Variants in AXDND1 observed in about 807,000 individuals in gnomAD.
The protein encoded by AXDND1 is axonemal dynein light chain domain-containing protein 1.
In AXDND1, 110 loss-of-function variants were observed where a neutral mutation model predicts 137.5. The ratio of observed to expected loss-of-function variants is 0.80; its 90% confidence interval spans 0.69 to 0.94. AXDND1 has a LOEUF of 0.94. AXDND1 is among the 40% of genes least tolerant of loss of function. The pLI is 0.00. For synonymous variants in AXDND1, 414 were observed against 399.7 expected, an observed-to-expected ratio of 1.04 and a Z score of -0.43; for missense variants, 1,191 against 1,169.8, an observed-to-expected ratio of 1.02 and a Z score of -0.26.
chr1:179,421,907 G>A (rs56164208), intron 12 of AXDND1, among the ~76,000 whole-genome samples: 48,715 of 151,366 alleles, frequency 0.32, 8,195 homozygotes, highest in Middle Eastern at 0.43. Context: ...AGGCATGGTG[G>A]CAGGCGCCTG....
At chr1:179,401,700 C>T (rs371870012) in intron 11 of AXDND1, among the ~76,000 whole-genome samples, 94 of 152,062 alleles carry the variant, frequency 6.2e-4, no homozygotes, top group Admixed American at 1.2e-3. Context: ...GTACTGTTCT[C>T]GTGGTAGTAA....
intron 8 of AXDND1, among the ~76,000 whole-genome samples, chr1:179,384,616 A>G (rs534496896): frequency 1.4e-4 from 22 of 152,282 alleles, no homozygotes; most frequent in African/African-American, 4.1e-4. Flanking sequence ...GTTGTTTTGA[A>G]GAACACAAGC....
chr1:179,368,900 TCTGAC>T lies in AXDND1; in HGVS notation c.201_205del (p.Thr68CysfsTer9). On this transcript the variant is annotated frameshift_variant, in exon 3 of 26. Transcript: ENST00000367618. LOFTEE classifies it high-confidence loss of function. Reference sequence around the variant, plus strand: ...TCATTCCCAAAGAAGTTCTTCTTTCTCTGACCTATGCGGCCAATGCTGGTCCTTGT... The same window carrying T: ...TCATTCCCAAAGAAGTTCTTCTTTCTCTATGCGGCCAATGCTGGTCCTTGT... 6.2e-7 allele frequency: 1 copy of T among 1,613,916 alleles called. No individual in the cohort carries two copies. The highest frequency in any genetic ancestry group is 1.1e-5 in the South Asian group (1 of 91,080).
intron 6 of AXDND1, among the ~76,000 whole-genome samples, chr1:179,381,343 A>AT (rs34030931): frequency 0.23 from 24,175 of 106,134 alleles, 2,797 homozygotes; most frequent in East Asian, 0.47. Flanking sequence ...CACATGGCTG[A>AT]TTTTTTTTTT....
intron 20 of AXDND1, among the ~76,000 whole-genome samples, chr1:179,499,017 C>G (rs1216479364): frequency 2.0e-5 from 3 of 152,058 alleles, no homozygotes. Context: ...GGAAAGCCGT[C>G]TGGAGATTTC....
At position 179,429,591 on chromosome 1, in the gene AXDND1, A is replaced by G. The variant is rs150583143; in HGVS notation, c.1304A>G (p.Lys435Arg). Reference protein sequence around the residue: ...LNEKGWNKYTKHFIILLSNKD... With the variant: ...LNEKGWNKYTRHFIILLSNKD... ...GAAAAAGGCTGGAATAAATACACTA[A>G]GCATTTCATCATACTGCTATCAAAC... Residue 435 changes from lysine (K) to arginine (R), a missense_variant, in exon 13 of 26, where the codon AAG becomes AGG. Lys to Arg is a conservative substitution (Grantham distance 26). Coordinates refer to ENST00000367618, the MANE Select transcript of AXDND1 (RefSeq NM_144696.6). The G allele has an allele frequency of 2.6e-3, 4,105 of 1,577,502 alleles. 198 individuals are homozygous for G. In the Admixed American group the frequency reaches 0.07, roughly 27 times the overall value.
At chr1:179,490,108 A>G (rs763712944) in intron 18 of AXDND1, among the ~76,000 whole-genome samples, 8 of 152,188 alleles carry the variant, frequency 5.3e-5, no homozygotes, top group Non-Finnish European at 1.2e-4. Context: ...TTACTCCCTG[A>G]TAAGTACTGT....
intron 23 of AXDND1, among the ~76,000 whole-genome samples, chr1:179,531,223 G>A (rs34463289): frequency 6.6e-6 from 1 of 151,894 alleles, no homozygotes; most frequent in Non-Finnish European, 1.5e-5. Flanking sequence ...CCATCCTGTT[G>A]TCAGAAGCTT....
At chr1:179,451,579 C>T (rs1660558713) in intron 16 of AXDND1, 1 of 152,138 alleles carries the variant, frequency 6.6e-6, no homozygotes. Context: ...GCTGTGTCCC[C>T]ACCCAAATCT....
chr1:179,528,307 C>T lies in AXDND1; in HGVS notation c.2611-20C>T, dbSNP rs754229582. ...TGCTACACCAGCTTGCTAACAGGTC[C>T]GCATGTTTCTGTGTTCTAGCAACCT... On this transcript the variant is annotated intron_variant, in intron 22 of 25. Transcript: ENST00000367618. 18 of 1,579,030 alleles carry T rather than the reference C, an allele frequency of 1.1e-5. No homozygotes were observed. The highest frequency in any genetic ancestry group is 4.5e-5 in the East Asian group (2 of 44,592).
chr1:179,512,587 T>A (rs529710796), intron 21 of AXDND1, among the ~76,000 whole-genome samples: 3 of 152,308 alleles, frequency 2.0e-5, no homozygotes, highest in Non-Finnish European at 4.4e-5. Flanking sequence ...TTTTTTTTTC[T>A]AATTATGTGA....
intron 16 of AXDND1, chr1:179,447,675 A>G: frequency 7.4e-7 from 1 of 1,347,032 alleles, no homozygotes; most frequent in Non-Finnish European, 1.1e-6. Context: ...TTCCAAGATT[A>G]CTGCCACCTG....
At chr1:179,371,814 A>T (rs1668066869) in intron 4 of AXDND1, among the ~76,000 whole-genome samples, 1 of 152,188 alleles carries the variant, frequency 6.6e-6, no homozygotes, top group Non-Finnish European at 1.5e-5. Context: ...CCAAGAAATG[A>T]ATTTGGCTAC....
At chr1:179,436,797 C>T (rs1405320606) in intron 15 of AXDND1, among the ~76,000 whole-genome samples, 6 of 151,564 alleles carry the variant, frequency 4.0e-5, no homozygotes, top group African/African-American at 1.5e-4. Flanking sequence ...CACCATGGCA[C>T]ACGTATACCT....
intron 25 of AXDND1, among the ~76,000 whole-genome samples, chr1:179,535,347 A>G (rs1671438627): frequency 6.6e-6 from 1 of 152,032 alleles, no homozygotes; most frequent in Admixed American, 6.5e-5. Flanking sequence ...TACATCAGGT[A>G]TTTCTCCTAA....
chr1:179,419,215 G>A (rs1352262888), intron 12 of AXDND1, among the ~76,000 whole-genome samples: 1 of 151,680 alleles, frequency 6.6e-6, no homozygotes, highest in Non-Finnish European at 1.5e-5. Context: ...CAGACGGGGT[G>A]GCAGCCGGGC....
intron 21 of AXDND1, among the ~76,000 whole-genome samples, chr1:179,522,541 C>T (rs1337399593): frequency 6.6e-6 from 1 of 151,748 alleles, no homozygotes; most frequent in Admixed American, 6.6e-5. Flanking sequence ...CAACATGGTA[C>T]ATTGAAATAA....
chr1:179,535,390 C>T (rs889806056), intron 25 of AXDND1, among the ~76,000 whole-genome samples: 1 of 152,062 alleles, frequency 6.6e-6, no homozygotes, highest in Non-Finnish European at 1.5e-5. Context: ...GACCCCCTGA[C>T]AGGCCCCAGT....
At chr1:179,407,447 G>A (rs922254377) in intron 11 of AXDND1, among the ~76,000 whole-genome samples, 1 of 152,026 alleles carries the variant, frequency 6.6e-6, no homozygotes, top group African/African-American at 2.4e-5. Flanking sequence ...GGATGGTCTC[G>A]ATCTCCTGAC....
Sources: allele counts gnomAD v4.1 joint callset (sites outside exome capture counted in the v4.1 genomes callset), GRCh38; gene constraint gnomAD v4.1.1; transcripts MANE v1.5; gene names NCBI Gene and HGNC (gene_info 2026-07-23, HGNC 2026-07-21).